Variants in PTPRM observed in about 807,000 individuals in gnomAD.
PTPRM encodes receptor-type tyrosine-protein phosphatase mu.
PTPRM carries 47 observed loss-of-function variants against 186.7 expected under a neutral mutation model. The ratio of observed to expected loss-of-function variants is 0.25; its 90% CI spans 0.20 to 0.32. PTPRM has a LOEUF of 0.32. PTPRM is among the 10% of genes least tolerant of loss of function. The pLI, the probability that PTPRM is intolerant of heterozygous loss-of-function variation, is 1.00. For synonymous variants in PTPRM, 668 were observed against 674.9 expected (o/e 0.99, Z 0.16); for missense variants, 1,494 against 1,865.0 (o/e 0.80, Z 3.66).
chr18:7,947,321 GCTCTA>G (rs2052603935), intron 5 of PTPRM, among the ~76,000 whole-genome samples: 1 of 152,080 alleles, frequency 6.6e-6, no homozygotes, highest in African/African-American at 2.4e-5. Context: ...AGGAAGTGAG[GCTCTA>G]TGAAGGTTAA....
At chr18:7,976,671 C>G (rs935436855) in intron 7 of PTPRM, among the ~76,000 whole-genome samples, 2 of 152,000 alleles carry the variant, frequency 1.3e-5, no homozygotes, top group Non-Finnish European at 2.9e-5. Flanking sequence ...CCCTGAGCCA[C>G]GAACTGTGGA....
chr18:8,133,094 ACT>A (rs1319803413), intron 13 of PTPRM, among the ~76,000 whole-genome samples: 1 of 152,044 alleles, frequency 6.6e-6, no homozygotes, highest in Non-Finnish European at 1.5e-5. Context: ...ATCAGACCAA[ACT>A]CATCCTTTTA....
chr18:7,598,273 T>A (rs2037314628), intron 1 of PTPRM, among the ~76,000 whole-genome samples: 2 of 152,252 alleles, frequency 1.3e-5, no homozygotes, highest in African/African-American at 4.8e-5. Context: ...TATCTTCTCG[T>A]AAACAGTGTG....
At chr18:7,719,242 C>T (rs1237086679) in intron 1 of PTPRM, among the ~76,000 whole-genome samples, 1 of 152,142 alleles carries the variant, frequency 6.6e-6, no homozygotes, top group East Asian at 1.9e-4. Context: ...ATGGCCTTTG[C>T]AGCAATTTGG....
intron 24 of PTPRM, among the ~76,000 whole-genome samples, chr18:8,372,759 G>C (rs1195387783): frequency 6.7e-6 from 1 of 150,372 alleles, no homozygotes; most frequent in African/African-American, 2.4e-5. Flanking sequence ...TTGTATGGCT[G>C]TTGGCAAGAG....
chr18:7,948,130 T>TACACAC (rs57918724), intron 5 of PTPRM, among the ~76,000 whole-genome samples: 2,866 of 137,866 alleles, frequency 0.021, 44 homozygotes, highest in African/African-American at 0.025. Context: ...GATTATAAAA[T>TACACAC]ACACACACAC....
intron 4 of PTPRM, among the ~76,000 whole-genome samples, chr18:7,912,552 C>T (rs138056452): frequency 3.4e-3 from 512 of 152,208 alleles, no homozygotes; most frequent in African/African-American, 0.011. Context: ...CACTCTGTTG[C>T]CCAGGCTGGA....
intron 30 of PTPRM, among the ~76,000 whole-genome samples, chr18:8,385,880 G>A (rs575488285): frequency 6.6e-6 from 1 of 152,302 alleles, no homozygotes; most frequent in East Asian, 1.9e-4. Flanking sequence ...AAATGACAGT[G>A]ATAGGAGAGG....
At chr18:8,372,209 C>T (rs1242880646) in intron 24 of PTPRM, among the ~76,000 whole-genome samples, 1 of 147,326 alleles carries the variant, frequency 6.8e-6, no homozygotes, top group Non-Finnish European at 1.5e-5. Flanking sequence ...GTAGCTGGGA[C>T]TACAGGCGCC....
At chr18:7,997,843 A>T (rs1412114485) in intron 7 of PTPRM, among the ~76,000 whole-genome samples, 1 of 152,216 alleles carries the variant, frequency 6.6e-6, no homozygotes, top group Non-Finnish European at 1.5e-5. Context: ...TTTTCATCAC[A>T]GTTAATGTGG....
intron 13 of PTPRM, among the ~76,000 whole-genome samples, chr18:8,116,027 TAA>T (rs1568366551): frequency 6.6e-6 from 1 of 152,230 alleles, no homozygotes; most frequent in African/African-American, 2.4e-5. Flanking sequence ...ATATTGTACC[TAA>T]GTGACTTTAT....
intron 2 of PTPRM, among the ~76,000 whole-genome samples, chr18:7,836,964 A>G (rs1255589877): frequency 6.6e-6 from 1 of 152,104 alleles, no homozygotes. Flanking sequence ...GCCTTGAGGT[A>G]GTCTTTGGGT....
intron 7 of PTPRM, among the ~76,000 whole-genome samples, chr18:7,977,044 T>TAATTTATTTATTTATAATGAAATAAA (rs2054998910): frequency 6.6e-6 from 1 of 152,134 alleles, no homozygotes; most frequent in Non-Finnish European, 1.5e-5. Context: ...GGATCTCACC[T>TAATTTATTTATTTATAATGAAATAAA]TAGCTCCAGT....
intron 2 of PTPRM, among the ~76,000 whole-genome samples, chr18:7,866,769 C>G (rs1389950814): frequency 1.3e-5 from 2 of 152,244 alleles, no homozygotes; most frequent in South Asian, 2.1e-4. Flanking sequence ...GTTGATCTGT[C>G]TAATATTGAC....
At chr18:7,570,351 C>A (rs1337663553) in intron 1 of PTPRM, among the ~76,000 whole-genome samples, 1 of 152,136 alleles carries the variant, frequency 6.6e-6, no homozygotes, top group Admixed American at 6.5e-5. Flanking sequence ...TAATTGGCTG[C>A]TTTTCACTTG....
At position 8,215,551 on chromosome 18, in the gene PTPRM, T is replaced by TTTC. The variant is rs1568538465; in HGVS notation, c.2301-28505_2301-28504insCTT. Among the ~76,000 whole-genome samples the TTTC allele has an allele frequency of 4.2e-3, 576 of 138,048 alleles. 3 individuals carry two copies. The highest frequency in any genetic ancestry group is 0.015 in the African/African-American group (551 of 37,732). The allele number at this position is 138,048 out of a possible 152,430, so 90.6% of individuals were successfully genotyped here. On this transcript the variant is annotated intron_variant, in intron 14 of 32. Coordinates refer to ENST00000580170, the MANE Select transcript of PTPRM (RefSeq NM_001105244.2). The stretch of plus-strand genomic sequence containing the variant: ...TTCTTTCTTTCTTTCTTTTCTTTTT[T>TTTC]TTTTTTTTTTTTTTTGAGACAAGAT...
chr18:8,055,602 C>G (rs888686591), intron 7 of PTPRM, among the ~76,000 whole-genome samples: 2 of 152,092 alleles, frequency 1.3e-5, no homozygotes, highest in African/African-American at 4.8e-5. Context: ...TATTCTGAAT[C>G]TGGTAATTTG....
intron 1 of PTPRM, chr18:7,749,160 C>T (rs539727689): frequency 6.6e-6 from 1 of 152,324 alleles, no homozygotes; most frequent in African/African-American, 2.4e-5. Context: ...CCAAGGGGCA[C>T]TGCAGGAACA....
At chr18:7,752,694 C>T (rs1386603280) in intron 1 of PTPRM, among the ~76,000 whole-genome samples, 8 of 152,060 alleles carry the variant, frequency 5.3e-5, no homozygotes, top group African/African-American at 7.2e-5. Flanking sequence ...CCGCCTACCT[C>T]GGCCTCCTAA....
Sources: gnomAD v4.1 joint callset for allele counts (sites outside exome capture counted in the v4.1 genomes callset) on GRCh38, gnomAD v4.1.1 for gene constraint, MANE v1.5 for transcripts, NCBI Gene and HGNC (gene_info 2026-07-23, HGNC 2026-07-21) for gene names.